Variants in GLRA3 observed in about 807,000 individuals in gnomAD.
GLRA3 encodes glycine receptor subunit alpha-3.
GLRA3 carries 44 observed loss-of-function variants against 60.4 expected under a neutral mutation model. The ratio of observed to expected loss-of-function variants is 0.73; its 90% CI spans 0.57 to 0.94. The LOEUF (loss-of-function observed/expected upper bound fraction) is 0.94, where lower values mean the gene tolerates loss of function less well. Ranked by LOEUF, GLRA3 falls within the 40% of genes least tolerant of loss-of-function variation. GLRA3 has a pLI of 0.00. For missense variants in GLRA3, 508 were observed against 564.6 expected (o/e 0.90, Z 1.02); for synonymous variants, 223 against 192.9 (o/e 1.16, Z -1.29).
chr4:174,793,204 C>T (rs1739426247), intron 1 of GLRA3, among the ~76,000 whole-genome samples: 1 of 151,988 alleles, frequency 6.6e-6, no homozygotes, highest in South Asian at 2.1e-4. Context: ...GCTGATGTCA[C>T]TCTCTAATAA....
intron 4 of GLRA3, 131 bp downstream of exon 4, chr4:174,728,344 A>G (rs953949428): frequency 5.1e-6 from 3 of 589,348 alleles, no homozygotes; most frequent in South Asian, 4.2e-5. Flanking sequence ...GAAACAGTCT[A>G]TTAGAGGAAC....
intron 3 of GLRA3, among the ~76,000 whole-genome samples, chr4:174,745,009 G>T (rs1057064465): frequency 1.3e-5 from 2 of 152,136 alleles, no homozygotes; most frequent in East Asian, 3.9e-4. Flanking sequence ...CGAATAAAAT[G>T]CAAAATACAC....
intron 5 of GLRA3, among the ~76,000 whole-genome samples, chr4:174,706,516 A>T (rs1735527539): frequency 6.6e-6 from 1 of 152,248 alleles, no homozygotes; most frequent in Admixed American, 6.5e-5. Flanking sequence ...CATTGAAACC[A>T]AAAGTAACAA....
intron 4 of GLRA3, among the ~76,000 whole-genome samples, chr4:174,721,487 T>C (rs1736126299): frequency 8.3e-6 from 1 of 120,618 alleles, no homozygotes; most frequent in South Asian, 2.9e-4. Flanking sequence ...ATATAACATA[T>C]ATAAACAAGT....
intron 3 of GLRA3, among the ~76,000 whole-genome samples, chr4:174,748,633 A>T (rs150513258): frequency 6.6e-6 from 1 of 152,210 alleles, no homozygotes; most frequent in African/African-American, 2.4e-5. Context: ...ATATGCCTCA[A>T]TGTATCAGCA....
chr4:174,707,854 T>C (rs746582684), intron 5 of GLRA3, among the ~76,000 whole-genome samples: 1 of 152,198 alleles, frequency 6.6e-6, no homozygotes, highest in Non-Finnish European at 1.5e-5. Flanking sequence ...AATTTGACCA[T>C]ATGACTGACT....
intron 2 of GLRA3, among the ~76,000 whole-genome samples, chr4:174,774,361 T>C (rs1394092004): frequency 6.9e-6 from 1 of 144,148 alleles, no homozygotes; most frequent in African/African-American, 2.5e-5. Flanking sequence ...TATGTGTGTG[T>C]GTATGTGTGT....
chr4:174,721,925 A>G (rs1189797518), intron 4 of GLRA3, among the ~76,000 whole-genome samples: 1 of 151,948 alleles, frequency 6.6e-6, no homozygotes, highest in African/African-American at 2.4e-5. Context: ...ATGTGTATAT[A>G]TATAACAAAT....
chr4:174,659,097 T>G lies in GLRA3; in HGVS notation c.1028A>C (p.Gln343Pro). ...TCGAAATCTCAGAAGTTCTTTGTGT[T>G]GTCTTGATACAAAATTTACAGCTGC... is the stretch of plus-strand genomic sequence containing the variant. ...EYAAVNFVSRQHKELLRFRRK... is the reference protein window; with the variant it reads ...EYAAVNFVSRPHKELLRFRRK... Residue 343 changes from glutamine (Q) to proline (P), a missense_variant, in exon 8 of 10, where the codon CAA (glutamine) becomes CCA (proline). By Grantham distance (76) the Gln-to-Pro change is moderately conservative. This residue lies in a region of GLRA3 where 176 missense variants were observed against 197.9 expected (regional missense o/e 0.89). Transcript: ENST00000274093. The G allele has an allele frequency of 6.2e-7, 1 of 1,613,124 alleles. No homozygotes were observed. The highest frequency in any genetic ancestry group is 8.5e-7 in the Non-Finnish European group (1 of 1,179,278).
At chr4:174,809,604 A>G (rs555071646) in intron 1 of GLRA3, among the ~76,000 whole-genome samples, 10 of 152,214 alleles carry the variant, frequency 6.6e-5, no homozygotes, top group African/African-American at 2.4e-4. Flanking sequence ...ATGGTGGCAC[A>G]TGCCTCTAAT....
chr4:174,774,601 G>T (rs1287857599), intron 2 of GLRA3, among the ~76,000 whole-genome samples: 4 of 152,032 alleles, frequency 2.6e-5, no homozygotes, highest in Non-Finnish European at 5.9e-5. Context: ...GGAAGAATCA[G>T]ACAAATGCAA....
chr4:174,718,111 A>G (rs1199391380), intron 4 of GLRA3, among the ~76,000 whole-genome samples: 1 of 152,234 alleles, frequency 6.6e-6, no homozygotes, highest in Non-Finnish European at 1.5e-5. Flanking sequence ...GTCATAAATC[A>G]TATCCTGAAA....
At chr4:174,773,325 T>A (rs976251558) in intron 2 of GLRA3, among the ~76,000 whole-genome samples, 10 of 151,484 alleles carry the variant, frequency 6.6e-5, no homozygotes, top group African/African-American at 1.9e-4. Context: ...TTTTTTTTTT[T>A]AAAGAAATAG....
At chr4:174,828,688 C>T (rs1741079328) in intron 1 of GLRA3, 53 bp downstream of exon 1, 2 of 1,101,478 alleles carry the variant, frequency 1.8e-6, no homozygotes, top group South Asian at 1.2e-5. Context: ...GTGGTTGCAA[C>T]GTAATGCACA....
intron 1 of GLRA3, among the ~76,000 whole-genome samples, chr4:174,818,388 C>T (rs1202168559): frequency 2.0e-5 from 3 of 152,076 alleles, no homozygotes; most frequent in East Asian, 1.9e-4. Context: ...GATAACTATA[C>T]ATATACCCAC....
At position 174,796,653 on chromosome 4, in the gene GLRA3, CA is replaced by C. The variant is rs563329863; in HGVS notation, c.72-7711del. On this transcript the variant is annotated intron_variant, in intron 1 of 9. Coordinates refer to ENST00000274093, the MANE Select transcript of GLRA3 (RefSeq NM_006529.4). ...CTGGGTTCAAGCGATTCTCCTGCCTCAGCCCCCCGAGTAGCTGGGACTACAG... is the reference window on the plus strand; with the variant it reads ...CTGGGTTCAAGCGATTCTCCTGCCTCGCCCCCCGAGTAGCTGGGACTACAG... Among the ~76,000 whole-genome samples the C allele has an allele frequency of 1.5e-3, 223 of 152,138 alleles. 1 individual carries two copies. The highest frequency in any genetic ancestry group is 3.0e-3 in the Non-Finnish European group (201 of 67,996).
At chr4:174,688,873 G>A (rs112574247) in intron 5 of GLRA3, among the ~76,000 whole-genome samples, 2 of 152,158 alleles carry the variant, frequency 1.3e-5, no homozygotes, top group East Asian at 1.9e-4. Context: ...CTTAGAGAAC[G>A]CTTAGGAAGA....
At chr4:174,804,885 C>A (rs894322697) in intron 1 of GLRA3, among the ~76,000 whole-genome samples, 1 of 152,070 alleles carries the variant, frequency 6.6e-6, no homozygotes, top group Non-Finnish European at 1.5e-5. Flanking sequence ...GCTGGCCACC[C>A]CACCCTAATC....
Position 174,728,646 on chromosome 4 carries a change from G to A in GLRA3, c.320C>T (p.Ala107Val), listed in dbSNP as rs748951101. Reference sequence around the variant, plus strand: ...AGAGTCGTCAGGATATTCACTGTACGCGAGGCGGGGATCATTCCATTTCTG... The same window carrying A: ...AGAGTCGTCAGGATATTCACTGTACACGAGGCGGGGATCATTCCATTTCTG... ...LRQKWNDPRL[A>V]YSEYPDDSLD... Residue 107 changes from alanine (A) to valine (V), a missense_variant, in exon 4 of 10, where the codon GCG (alanine) becomes GTG (valine). Ala to Val is a moderately conservative substitution (Grantham distance 64, BLOSUM62 0). Coordinates refer to ENST00000274093, the MANE Select transcript of GLRA3 (RefSeq NM_006529.4). The A allele has an allele frequency of 3.5e-5, 57 of 1,610,764 alleles. No homozygotes were observed. The highest frequency in any genetic ancestry group is 5.0e-5 in the Admixed American group (3 of 59,974).
Sources: gnomAD v4.1 joint callset for allele counts (sites outside exome capture counted in the v4.1 genomes callset) on GRCh38, gnomAD v4.1.1 for gene constraint, gnomAD v4.1.1 regional missense constraint, MANE v1.5 for transcripts, NCBI Gene and HGNC (gene_info 2026-07-23, HGNC 2026-07-21) for gene names.